ARHGAP31: variants seen among roughly 807,000 people sequenced by gnomAD.
ARHGAP31 encodes the protein Rho GTPase activating protein 31.
In ARHGAP31, 34 loss-of-function variants were observed where a neutral mutation model predicts 113.9. The observed-to-expected ratio is 0.30, with a 90% CI of 0.23 to 0.40. The LOEUF is 0.40. ARHGAP31 is among the 10% of genes least tolerant of loss of function. The probability of loss-of-function intolerance (pLI) is 1.00; values close to 1 mark genes in which losing one functional copy is unlikely to be tolerated. For synonymous variants in ARHGAP31, 650 were observed against 684.8 expected (o/e 0.95, Z 0.79); for missense variants, 1,548 against 1,767.1 (o/e 0.88, Z 2.22).
chr3:119,358,634 G>T (rs2080179394), intron 1 of ARHGAP31, among the ~76,000 whole-genome samples: 1 of 152,066 alleles, frequency 6.6e-6, no homozygotes, highest in Admixed American at 6.6e-5. Context: ...CAAAATGAAG[G>T]CTTTATTTGG....
intron 1 of ARHGAP31, among the ~76,000 whole-genome samples, chr3:119,364,177 CTTTT>C (rs2080233889): frequency 8.1e-6 from 1 of 122,706 alleles, no homozygotes; most frequent in African/African-American, 3.2e-5. Context: ...CTGTCGGTCC[CTTTT>C]ATGTTGTCCA....
chr3:119,329,234 T>C (rs773607077), intron 1 of ARHGAP31, among the ~76,000 whole-genome samples: 3 of 152,228 alleles, frequency 2.0e-5, no homozygotes, highest in Non-Finnish European at 2.9e-5. Flanking sequence ...TGGTGGCCAA[T>C]GGCCACCAAG....
intron 1 of ARHGAP31, among the ~76,000 whole-genome samples, chr3:119,306,738 GA>G (rs1396684737): frequency 1.3e-5 from 2 of 152,260 alleles, no homozygotes; most frequent in Admixed American, 1.3e-4. Context: ...TCTGGGGTGG[GA>G]AATCCACATT....
rs756872904 is a variant in ARHGAP31 at position 119,295,008 on chromosome 3, A to ATG, written c.100+7_100+8dup. The stretch of plus-strand genomic sequence containing the variant: ...CTGGAAAGCTCGGGACAGGATGGTA[A>ATG]TGTGCCTTGGCCTTTCTCCCCCGCC... On this transcript the variant is annotated splice_donor_region_variant and intron_variant, in intron 1 of 11. Transcript: ENST00000264245. 10 of 1,613,866 alleles carry ATG rather than the reference A, an allele frequency of 6.2e-6. No individual in the cohort carries two copies. Among genetic ancestry groups the ATG allele is most frequent in the Non-Finnish European group, 8.5e-6 (10 of 1,179,950 alleles).
At chr3:119,306,411 G>C (rs111797576) in intron 1 of ARHGAP31, among the ~76,000 whole-genome samples, 13,337 of 152,138 alleles carry the variant, frequency 0.088, 776 homozygotes, top group Non-Finnish European at 0.12. Flanking sequence ...ACAAAAATTA[G>C]CTGGGCATGG....
chr3:119,403,641 T>C (rs564773396), intron 10 of ARHGAP31, among the ~76,000 whole-genome samples: 1 of 152,256 alleles, frequency 6.6e-6, no homozygotes, highest in African/African-American at 2.4e-5. Context: ...TCCTAACAGA[T>C]GGCAAGGGCA....
chr3:119,386,225 A>C lies in ARHGAP31; in HGVS notation c.682+2999A>C, dbSNP rs1467194793. 2.0e-5 allele frequency among the ~76,000 whole-genome samples: 3 copies of C among 152,218 alleles called. No homozygotes were observed. In the East Asian group the frequency reaches 5.8e-4, roughly 29 times the overall value. ...GGACAGAGTTCTGCTTCAAACTGAA[A>C]AGATTTTAGAAGTTTTCTTAGTCCA... On this transcript the variant is annotated intron_variant, in intron 6 of 11. Transcript: ENST00000264245.
chr3:119,368,257 A>G, intron 2 of ARHGAP31, 115 bp from the exon 3 acceptor site: 1 of 1,379,748 alleles, frequency 7.2e-7, no homozygotes, highest in Non-Finnish European at 1.0e-6. Flanking sequence ...ATTAAGGTCA[A>G]AAATATAGTC....
chr3:119,368,621 C>T (rs2080270321), intron 3 of ARHGAP31, 105 bp downstream of exon 3: 1 of 1,418,728 alleles, frequency 7.0e-7, no homozygotes, highest in East Asian at 2.4e-5. Flanking sequence ...AGATGGTTGA[C>T]ATTATCTTAG....
rs1299418718 is a variant in ARHGAP31 at position 119,332,201 on chromosome 3, G to A, written c.101-33115G>A. ...CCCTTTATCTTCCTCTGGATTCCTT[G>A]TTTTTTGTTTTTTTTGAGACAGAGT... On this transcript the variant is annotated intron_variant, in intron 1 of 11. Coordinates refer to ENST00000264245, the MANE Select transcript of ARHGAP31 (RefSeq NM_020754.4). Among the ~76,000 whole-genome samples, 3 of 151,540 alleles carry A rather than the reference G, an allele frequency of 2.0e-5. No homozygotes were observed. In the East Asian group the frequency reaches 5.8e-4, roughly 29 times the overall value.
intron 1 of ARHGAP31, among the ~76,000 whole-genome samples, chr3:119,331,621 A>G (rs1232038540): frequency 2.6e-5 from 4 of 152,198 alleles, no homozygotes; most frequent in Admixed American, 2.6e-4. Flanking sequence ...TGACAAAAAG[A>G]AAACAGCTCC....
intron 8 of ARHGAP31, among the ~76,000 whole-genome samples, chr3:119,397,435 G>T (rs2080562612): frequency 6.6e-6 from 1 of 152,214 alleles, no homozygotes; most frequent in African/African-American, 2.4e-5. Flanking sequence ...GGAAAACAAA[G>T]GCAGTGCATG....
At chr3:119,413,645 A>G (rs1199432558) in intron 11 of ARHGAP31, among the ~76,000 whole-genome samples, 3 of 152,202 alleles carry the variant, frequency 2.0e-5, no homozygotes, top group Non-Finnish European at 4.4e-5. Context: ...TATTTCCTAG[A>G]GTAGTTGGGA....
chr3:119,387,259 C>T (rs1028507843), intron 6 of ARHGAP31, among the ~76,000 whole-genome samples: 3 of 152,248 alleles, frequency 2.0e-5, no homozygotes, highest in South Asian at 2.1e-4. Context: ...CCTGTCCGGG[C>T]ATAACAGAAG....
intron 8 of ARHGAP31, among the ~76,000 whole-genome samples, chr3:119,395,943 T>G (rs1225361879): frequency 2.0e-5 from 3 of 152,072 alleles, no homozygotes; most frequent in Non-Finnish European, 2.9e-5. Flanking sequence ...AGGGAGAAAC[T>G]GGGGAGAAGA....
At chr3:119,399,531 A>G (rs2107639366) in intron 9 of ARHGAP31, among the ~76,000 whole-genome samples, 1 of 152,346 alleles carries the variant, frequency 6.6e-6, no homozygotes, top group African/African-American at 2.4e-5. Flanking sequence ...CTTTTCATTC[A>G]AACCTGAACC....
intron 1 of ARHGAP31, among the ~76,000 whole-genome samples, chr3:119,303,494 C>G (rs534220968): frequency 6.6e-6 from 1 of 152,168 alleles, no homozygotes; most frequent in Non-Finnish European, 1.5e-5. Flanking sequence ...TCTTTGTTCT[C>G]GTTTAAGCTT....
intron 6 of ARHGAP31, among the ~76,000 whole-genome samples, chr3:119,383,613 A>G (rs1267654374): frequency 2.0e-5 from 3 of 152,190 alleles, no homozygotes. Flanking sequence ...CTTTCACTGT[A>G]TTTCAGAAGA....
chr3:119,345,715 G>C (rs2080050490), intron 1 of ARHGAP31, among the ~76,000 whole-genome samples: 1 of 152,170 alleles, frequency 6.6e-6, no homozygotes, highest in Non-Finnish European at 1.5e-5. Context: ...TATGAGCAGA[G>C]CTTGAATAAT....
Sources: gnomAD v4.1 joint callset for allele counts (sites outside exome capture counted in the v4.1 genomes callset) on GRCh38, gnomAD v4.1.1 for gene constraint, MANE v1.5 for transcripts, NCBI Gene and HGNC (gene_info 2026-07-23, HGNC 2026-07-21) for gene names.